FAT3: variants seen among roughly 807,000 people sequenced by gnomAD.
FAT3 encodes protocadherin Fat 3.
FAT3 carries 95 observed loss-of-function variants against 310.2 expected under a neutral mutation model. The ratio of observed to expected loss-of-function variants is 0.31; its 90% CI spans 0.26 to 0.36. FAT3 has a LOEUF of 0.36. FAT3 is among the 10% of genes least tolerant of loss of function. The pLI, the probability that FAT3 is intolerant of heterozygous loss-of-function variation, is 1.00. For synonymous variants in FAT3, 2,314 were observed against 2,192.9 expected (o/e 1.06, Z -1.54); for missense variants, 5,408 against 5,715.6 (o/e 0.95, Z 1.74).
intron 2 of FAT3, among the ~76,000 whole-genome samples, chr11:92,378,038 C>A (rs1949393805): frequency 6.6e-6 from 1 of 152,114 alleles, no homozygotes; most frequent in African/African-American, 2.4e-5. Context: ...CAGTTTGTGT[C>A]ATTTTTTTCA....
intron 1 of FAT3, among the ~76,000 whole-genome samples, chr11:92,317,654 G>C (rs1161800484): frequency 1.3e-5 from 2 of 152,132 alleles, no homozygotes; most frequent in Non-Finnish European, 2.9e-5. Context: ...GATGCCTGGT[G>C]CTTTTTTAGC....
intron 2 of FAT3, among the ~76,000 whole-genome samples, chr11:92,399,068 A>G (rs1424804559): frequency 6.6e-6 from 1 of 152,218 alleles, no homozygotes; most frequent in Admixed American, 6.5e-5. Context: ...ATCTGATATG[A>G]TCAGGACCTT....
intron 20 of FAT3, among the ~76,000 whole-genome samples, chr11:92,857,594 G>GT (rs911951407): frequency 6.6e-6 from 1 of 152,202 alleles, no homozygotes; most frequent in African/African-American, 2.4e-5. Context: ...TGCAACATGT[G>GT]TTTTTTATCA....
At chr11:92,815,674 C>T (rs572644787) in intron 13 of FAT3, among the ~76,000 whole-genome samples, 17 of 152,104 alleles carry the variant, frequency 1.1e-4, no homozygotes, top group Non-Finnish European at 2.4e-4. Flanking sequence ...AGACTAAAAG[C>T]AAGGTAGGCT....
chr11:92,603,215 C>G (rs1326850875), intron 3 of FAT3, among the ~76,000 whole-genome samples: 5 of 152,114 alleles, frequency 3.3e-5, no homozygotes, highest in Non-Finnish European at 5.9e-5. Flanking sequence ...GCCACTGCCC[C>G]CTCTACACTG....
chr11:92,614,907 T>G (rs918775046), intron 3 of FAT3, among the ~76,000 whole-genome samples: 1 of 152,230 alleles, frequency 6.6e-6, no homozygotes, highest in Non-Finnish European at 1.5e-5. Context: ...AGATCCAACT[T>G]CATTCATTTT....
intron 2 of FAT3, among the ~76,000 whole-genome samples, chr11:92,488,195 T>C (rs1179493421): frequency 6.6e-6 from 1 of 151,940 alleles, no homozygotes; most frequent in African/African-American, 2.4e-5. Context: ...GGGATCACAG[T>C]CCTATAACCA....
At chr11:92,267,999 A>G (rs1039970821) in intron 1 of FAT3, among the ~76,000 whole-genome samples, 4 of 151,606 alleles carry the variant, frequency 2.6e-5, no homozygotes, top group Non-Finnish European at 5.9e-5. Context: ...CATTACCAGC[A>G]TTATAGGCTT....
chr11:92,329,242 C>A (rs1178722986), intron 1 of FAT3, among the ~76,000 whole-genome samples: 7 of 151,984 alleles, frequency 4.6e-5, no homozygotes, highest in East Asian at 1.9e-4. Context: ...TAATAGGAAA[C>A]CTTTGGGTCA....
intron 2 of FAT3, among the ~76,000 whole-genome samples, chr11:92,471,196 CT>C (rs1951894484): frequency 6.6e-6 from 1 of 152,128 alleles, no homozygotes; most frequent in Non-Finnish European, 1.5e-5. Context: ...AAGCCTAAAT[CT>C]TTTAGCACAC....
chr11:92,426,935 G>A (rs1230270073), intron 2 of FAT3, among the ~76,000 whole-genome samples: 1 of 152,132 alleles, frequency 6.6e-6, no homozygotes, highest in Admixed American at 6.5e-5. Flanking sequence ...AGCTTAATGG[G>A]TATAGCATTG....
At chr11:92,386,524 T>G (rs1165873838) in intron 2 of FAT3, among the ~76,000 whole-genome samples, 1 of 152,246 alleles carries the variant, frequency 6.6e-6, no homozygotes, top group East Asian at 1.9e-4. Context: ...ATAAAGGAAC[T>G]TCACCCAGTG....
At chr11:92,673,664 T>G (rs749179143) in intron 3 of FAT3, among the ~76,000 whole-genome samples, 1 of 152,178 alleles carries the variant, frequency 6.6e-6, no homozygotes, top group East Asian at 1.9e-4. Flanking sequence ...CTATGCTATG[T>G]TAGTTTTTTA....
intron 1 of FAT3, among the ~76,000 whole-genome samples, chr11:92,329,002 CAA>C (rs1248225637): frequency 2.0e-5 from 3 of 151,828 alleles, no homozygotes; most frequent in Non-Finnish European, 2.9e-5. Context: ...AACCTTCAAA[CAA>C]TAAAGAAGAA....
chr11:92,787,095 A>G (rs1946914694), intron 7 of FAT3, among the ~76,000 whole-genome samples: 1 of 152,110 alleles, frequency 6.6e-6, no homozygotes, highest in Non-Finnish European at 1.5e-5. Flanking sequence ...GTTACAACCA[A>G]AAATGCCTCC....
chr11:92,411,143 TATAAATTA>T, intron 2 of FAT3, among the ~76,000 whole-genome samples: 1 of 80,242 alleles, frequency 1.2e-5, no homozygotes, highest in Non-Finnish European at 2.7e-5. Flanking sequence ...ATATTATATA[TATAAATTA>T]TATATATATA....
chr11:92,762,763 T>C (rs942117190), intron 5 of FAT3, among the ~76,000 whole-genome samples: 2 of 152,174 alleles, frequency 1.3e-5, no homozygotes, highest in African/African-American at 4.8e-5. Context: ...TTAAAGCTCC[T>C]GTATCTACAG....
chr11:92,657,880 A>G (rs1172170119), intron 3 of FAT3, among the ~76,000 whole-genome samples: 2 of 152,296 alleles, frequency 1.3e-5, no homozygotes, highest in East Asian at 3.9e-4. Context: ...TGGTCTGACA[A>G]TATCTGAAAT....
At chr11:92,663,235 G>A (rs1707884565) in intron 3 of FAT3, among the ~76,000 whole-genome samples, 1 of 152,196 alleles carries the variant, frequency 6.6e-6, no homozygotes, top group African/African-American at 2.4e-5. Flanking sequence ...CAAGTATGAT[G>A]AGTTGTATTG....
Sources: allele counts gnomAD v4.1 joint callset (sites outside exome capture counted in the v4.1 genomes callset), GRCh38; gene constraint gnomAD v4.1.1; transcripts MANE v1.5; gene names NCBI Gene and HGNC (gene_info 2026-07-23, HGNC 2026-07-21).